Variants in ASIC4 observed in about 807,000 individuals in gnomAD.
ASIC4 encodes the protein acid-sensing ion channel 4.
Under a neutral mutation model 53.4 loss-of-function variants are expected in ASIC4, and 28 were observed. The observed-to-expected ratio is 0.52, with a 90% confidence interval of 0.39 to 0.72. ASIC4 has a LOEUF of 0.72. Among genes scored for constraint, ASIC4 ranks in the 30% least tolerant of loss-of-function variants. The probability of loss-of-function intolerance (pLI) is 0.00; values close to 1 mark genes in which losing one functional copy is unlikely to be tolerated. For synonymous variants in ASIC4, 289 were observed against 301.4 expected, an observed-to-expected ratio of 0.96 and a Z score of 0.43; for missense variants, 649 against 729.7, an observed-to-expected ratio of 0.89 and a Z score of 1.27.
At chr2:219,520,223 G>C (rs1034467825) in intron 1 of ASIC4, among the ~76,000 whole-genome samples, 3 of 151,914 alleles carry the variant, frequency 2.0e-5, no homozygotes, top group South Asian at 4.2e-4. Context: ...CACTCGCCCT[G>C]TTCTCTTCCT....
In ASIC4 at chr2:219,517,893, C is replaced by A. The variant is rs1385018220; in HGVS notation, c.582+2587C>A. Among the ~76,000 whole-genome samples the A allele has an allele frequency of 6.6e-6, 1 of 152,032 alleles. No homozygotes were observed. The highest frequency in any genetic ancestry group is 2.4e-5 in the African/African-American group (1 of 41,348). On this transcript the variant is annotated intron_variant, in intron 1 of 9. Coordinates refer to ENST00000358078, the MANE Select transcript of ASIC4 (RefSeq NM_018674.6). This position sits in a 1 kb window ranked among gnomAD's most constrained non-coding sequence, Gnocchi z 4.2. ...GTGTTTTCTGTTGCTTTCCCTGTTTCCTCCTTCCCACTCCCCACTCTGCTG... is the reference window on the plus strand; with the variant it reads ...GTGTTTTCTGTTGCTTTCCCTGTTTACTCCTTCCCACTCCCCACTCTGCTG...
In ASIC4 at chr2:219,536,076, G is replaced by T. The variant is rs1162865547; in HGVS notation, c.1229+752G>T. ...GTGTGAGCCACCTTGCCTGGCCACA[G>T]CCCTTCTCTTCTAAGTAGCCCCACT... On this transcript the variant is annotated intron_variant, in intron 6 of 9. Coordinates refer to ENST00000358078, the MANE Select transcript of ASIC4 (RefSeq NM_018674.6). This position sits in a 1 kb window ranked among gnomAD's most constrained non-coding sequence, Gnocchi z 4.6. Among the ~76,000 whole-genome samples, 1 of 152,104 alleles carries T rather than the reference G, an allele frequency of 6.6e-6. No individual in the cohort carries two copies. Among genetic ancestry groups the T allele is most frequent in the African/African-American group, 2.4e-5 (1 of 41,434 alleles).
At chr2:219,522,275 T>C (rs146729325) in intron 1 of ASIC4, among the ~76,000 whole-genome samples, 1 of 152,052 alleles carries the variant, frequency 6.6e-6, no homozygotes, top group African/African-American at 2.4e-5. Context: ...AGGAGCTAAA[T>C]CCGTGGCGCT....
intron 1 of ASIC4, among the ~76,000 whole-genome samples, chr2:219,522,927 G>T (rs949600578): frequency 2.6e-5 from 4 of 152,092 alleles, no homozygotes; most frequent in Admixed American, 1.3e-4. Flanking sequence ...TGGATGCCTG[G>T]CCCGCGGGAG....
chr2:219,532,609 G>C, intron 4 of ASIC4, 132 bp downstream of exon 4: 1 of 1,285,252 alleles, frequency 7.8e-7, no homozygotes, highest in Non-Finnish European at 1.0e-6. Context: ...ACCCGTGTGA[G>C]TGTGAGTGTT....
At chr2:219,527,183 C>T (rs1037475314) in intron 1 of ASIC4, among the ~76,000 whole-genome samples, 1 of 152,202 alleles carries the variant, frequency 6.6e-6, no homozygotes, top group African/African-American at 2.4e-5. Flanking sequence ...CACTTAGGAG[C>T]TGATGGCTCC....
rs746607848 is a variant in ASIC4, at chr2:219,518,044, C to G, written c.582+2738C>G. Among the ~76,000 whole-genome samples the G allele has an allele frequency of 1.3e-5, 2 of 152,116 alleles. No homozygotes were observed. The highest frequency in any genetic ancestry group is 1.5e-5 in the Non-Finnish European group (1 of 68,024). ...TGCTTCTGTTACCACTGCAATCGCT[C>G]TCCCCCCACGCTCCCTAATATCCCT... On this transcript the variant is annotated intron_variant, in intron 1 of 9. Transcript: ENST00000358078. This position sits in a 1 kb window ranked among gnomAD's most constrained non-coding sequence, Gnocchi z 4.8.
At position 219,515,062 on chromosome 2, in the gene ASIC4, C is replaced by A; in HGVS notation, c.338C>A (p.Pro113Gln). The A allele has an allele frequency of 6.2e-7, 1 of 1,613,590 alleles. No individual in the cohort carries two copies. Among genetic ancestry groups the A allele is most frequent in the Non-Finnish European group, 8.5e-7 (1 of 1,179,992 alleles). ...PAAPAPVAGF[P>Q]AVTLCNINRF... is the part of the protein sequence containing the mutation. Reference sequence around the variant, plus strand: ...GCCCCAGCCCCAGTGGCGGGCTTCCCGGCTGTCACCCTCTGCAATATCAAC... The same window carrying A: ...GCCCCAGCCCCAGTGGCGGGCTTCCAGGCTGTCACCCTCTGCAATATCAAC... The change falls in exon 1 of 10, where the codon CCG (proline) becomes CAG (glutamine). Residue 113 changes from proline to glutamine, a missense_variant. Transcript: ENST00000358078.
chr2:219,525,739 C>G (rs2125662277), intron 1 of ASIC4, among the ~76,000 whole-genome samples: 1 of 152,330 alleles, frequency 6.6e-6, no homozygotes, highest in Admixed American at 6.5e-5. Context: ...CTGTTCCACC[C>G]CAGGGTGCTG....
At position 219,514,891 on chromosome 2, in the gene ASIC4, G is replaced by C. The variant is rs776539734; in HGVS notation, c.167G>C (p.Arg56Pro). The C allele has an allele frequency of 6.2e-7, 1 of 1,612,584 alleles. No individual in the cohort carries two copies. The highest frequency in any genetic ancestry group is 1.7e-4 in the Middle Eastern group (1 of 6,058). Residue 56 changes from arginine to proline, a missense_variant, in exon 1 of 10, where the codon CGG (arginine) becomes CCG (proline). Physicochemically the swap from Arg to Pro is moderately radical, Grantham distance 103. Coordinates refer to ENST00000358078, the MANE Select transcript of ASIC4 (RefSeq NM_018674.6). ...ACCAGCACCCTGCATGGACTGGGCC[G>C]GGCCTGTGGCCCAGGCCCCCACGGA... ...ASTSTLHGLG[R>P]ACGPGPHGLR...
At chr2:219,525,301 A>G (rs552938206) in intron 1 of ASIC4, among the ~76,000 whole-genome samples, 32 of 152,354 alleles carry the variant, frequency 2.1e-4, no homozygotes, top group Non-Finnish European at 4.3e-4. Flanking sequence ...TGAGATGTAC[A>G]ACTAATCTGT....
intron 6 of ASIC4, among the ~76,000 whole-genome samples, chr2:219,535,794 A>G (rs1464709717): frequency 1.1e-4 from 15 of 136,328 alleles, no homozygotes; most frequent in African/African-American, 4.2e-4. Context: ...TTTTTTTGAG[A>G]CAGAGTCTTG....
chr2:219,533,874 A>G (rs1256078637), intron 5 of ASIC4: 1 of 152,218 alleles, frequency 6.6e-6, no homozygotes, highest in Non-Finnish European at 1.5e-5. Context: ...CTCTGCAAAA[A>G]ATAAAAAAGT....
intron 1 of ASIC4, among the ~76,000 whole-genome samples, chr2:219,525,865 C>G (rs574808950): frequency 6.6e-6 from 1 of 152,272 alleles, no homozygotes; most frequent in Admixed American, 6.5e-5. Context: ...TGGACCCCAT[C>G]AAGGGGAGAG....
At chr2:219,532,755 G>T in intron 4 of ASIC4, 128 bp from the exon 5 acceptor site, 1 of 968,430 alleles carries the variant, frequency 1.0e-6, no homozygotes, top group South Asian at 1.6e-5. Flanking sequence ...GGTTGTGTGT[G>T]TGGTGTTCAA....
upstream of ASIC4, among the ~76,000 whole-genome samples, chr2:219,510,312 C>T (rs1293835564): frequency 6.6e-6 from 1 of 152,122 alleles, no homozygotes; most frequent in African/African-American, 2.4e-5. The surrounding 1 kb of genome is among the most constrained non-coding windows in gnomAD (Gnocchi z 5.2). Context: ...CCCTCTCCCC[C>T]TCCTTCCTCA....
Position 219,536,965 on chromosome 2 carries a change from A to G in ASIC4, c.1230-101A>G, listed in dbSNP as rs1395037363. On this transcript the variant is annotated intron_variant, in intron 6 of 9. Coordinates refer to ENST00000358078, the MANE Select transcript of ASIC4 (RefSeq NM_018674.6). The surrounding 1 kb of genome is among the most constrained non-coding windows in gnomAD (Gnocchi z 4.6). ...CCGGGGGGTAGTCACTGACTTCCCCATGTAGTGATCTCTGATCAGGATCTG... is the reference window on the plus strand; with the variant it reads ...CCGGGGGGTAGTCACTGACTTCCCCGTGTAGTGATCTCTGATCAGGATCTG... The G allele has an allele frequency of 2.9e-6, 3 of 1,031,372 alleles. No homozygotes were observed. Among genetic ancestry groups the G allele is most frequent in the Non-Finnish European group, 2.9e-6 (2 of 680,694 alleles). The allele number at this position is 1,031,372 out of a possible 1,614,324, so 63.9% of individuals were successfully genotyped here. A position where few individuals can be genotyped will look rare whatever the true frequency, so the allele number is the denominator to read the frequency against.
intron 1 of ASIC4, among the ~76,000 whole-genome samples, chr2:219,524,574 G>A (rs902654690): frequency 6.6e-5 from 10 of 152,244 alleles, no homozygotes; most frequent in Admixed American, 2.0e-4. Context: ...TATGATTTAC[G>A]TACATTCTGT....
chr2:219,535,772 CTTTTTT>C (rs869106424), intron 6 of ASIC4, among the ~76,000 whole-genome samples: 2 of 128,712 alleles, frequency 1.6e-5, no homozygotes, highest in East Asian at 2.2e-4. Flanking sequence ...TCTTCTCCTT[CTTTTTT>C]TTTTTTTTTT....
Sources: gnomAD v4.1 joint callset for allele counts (sites outside exome capture counted in the v4.1 genomes callset) on GRCh38, gnomAD v4.1.1 for gene constraint, Gnocchi (gnomAD v3.1) non-coding constraint, MANE v1.5 for transcripts, NCBI Gene and HGNC (gene_info 2026-07-23, HGNC 2026-07-21) for gene names.